TNS3: variants seen among roughly 807,000 people sequenced by gnomAD.
TNS3 encodes tensin-3.
A neutral mutation model predicts 140.9 loss-of-function variants in TNS3; 45 were observed. The observed-to-expected ratio is 0.32, with a 90% CI of 0.25 to 0.41. The LOEUF is 0.41. Ranked by LOEUF, TNS3 falls within the 10% of genes least tolerant of loss-of-function variation. The pLI is 1.00. For synonymous variants in TNS3, 815 were observed against 788.4 expected (o/e 1.03, Z -0.56); for missense variants, 1,716 against 1,906.7 (o/e 0.90, Z 1.86).
chr7:47,400,246 C>A, intron 15 of TNS3, 147 bp downstream of exon 15: 1 of 717,182 alleles, frequency 1.4e-6, no homozygotes, highest in Non-Finnish European at 2.3e-6. Flanking sequence ...TTCCACTATC[C>A]AATATCCTAC....
intron 1 of TNS3, among the ~76,000 whole-genome samples, chr7:47,538,158 G>A (rs1238070668): frequency 6.6e-6 from 1 of 152,172 alleles, no homozygotes; most frequent in Non-Finnish European, 1.5e-5. Flanking sequence ...ACTTAGAAAC[G>A]CCAGGAGGAG....
chr7:47,555,024 C>T (rs1283262037), intron 1 of TNS3, among the ~76,000 whole-genome samples: 1 of 149,000 alleles, frequency 6.7e-6, no homozygotes, highest in Non-Finnish European at 1.5e-5. Flanking sequence ...GAGACTCTGT[C>T]TCAAAAAAAA....
At chr7:47,296,948 C>T in intron 24 of TNS3, 134 bp downstream of exon 24, 5 of 1,156,352 alleles carry the variant, frequency 4.3e-6, no homozygotes, top group East Asian at 5.3e-5. Context: ...TAAAATATAC[C>T]TGAAAAAATA....
chr7:47,278,373 A>T, intron 30 of TNS3, 153 bp from the exon 31 acceptor site: 1 of 800,510 alleles, frequency 1.2e-6, no homozygotes, highest in Non-Finnish European at 1.9e-6. Context: ...CCACCTGTTC[A>T]TGCACTTTAC....
chr7:47,437,745 TACACACACACACAC>T (rs67341898), intron 6 of TNS3, among the ~76,000 whole-genome samples: 87 of 135,796 alleles, frequency 6.4e-4, no homozygotes, highest in South Asian at 4.2e-3. Context: ...ACATATAGGA[TACACACACACACAC>T]ACACACACAC....
intron 3 of TNS3, among the ~76,000 whole-genome samples, chr7:47,484,025 A>G (rs1797522866): frequency 6.6e-6 from 1 of 152,228 alleles, no homozygotes; most frequent in South Asian, 2.1e-4. Context: ...GTAGGGGGCG[A>G]GCAGCCCCCA....
chr7:47,362,960 T>A (rs1790440120), intron 17 of TNS3, among the ~76,000 whole-genome samples: 7 of 402 alleles, frequency 0.017, no homozygotes, highest in Non-Finnish European at 0.028. Context: ...ATCACCACCA[T>A]CATCAGAGTC....
chr7:47,389,339 G>C (rs111266262), intron 16 of TNS3, among the ~76,000 whole-genome samples: 3,020 of 152,306 alleles, frequency 0.02, 40 homozygotes, highest in Non-Finnish European at 0.028. Context: ...GGAGGCCCAA[G>C]GTTTGTGTGC....
intron 4 of TNS3, among the ~76,000 whole-genome samples, chr7:47,473,564 C>T (rs1797045745): frequency 6.6e-6 from 1 of 152,242 alleles, no homozygotes; most frequent in Non-Finnish European, 1.5e-5. Context: ...CTGAAGTTTA[C>T]TGAGGGGTGG....
At chr7:47,479,662 G>A (rs368597740) in intron 4 of TNS3, among the ~76,000 whole-genome samples, 11 of 152,298 alleles carry the variant, frequency 7.2e-5, no homozygotes, top group African/African-American at 2.6e-4. Context: ...GTTTCTGGGT[G>A]AGATTTTATT....
intron 15 of TNS3, among the ~76,000 whole-genome samples, chr7:47,397,512 G>GA (rs1189774707): frequency 6.6e-6 from 1 of 152,056 alleles, no homozygotes; most frequent in Non-Finnish European, 1.5e-5. Flanking sequence ...ATTTTTTAGG[G>GA]AAAAAAATTG....
chr7:47,480,936 T>C (rs1030410533), intron 4 of TNS3, among the ~76,000 whole-genome samples, 167 bp downstream of exon 4: 25 of 152,336 alleles, frequency 1.6e-4, no homozygotes, highest in Admixed American at 1.6e-3. Context: ...CAGTGCAGCA[T>C]GGTCAAAGGA....
intron 3 of TNS3, among the ~76,000 whole-genome samples, chr7:47,501,632 C>T (rs1316801842): frequency 6.6e-6 from 1 of 152,132 alleles, no homozygotes; most frequent in Admixed American, 6.5e-5. Flanking sequence ...AGCAGCAGCT[C>T]CCACAGCCTC....
chr7:47,345,010 A>G lies in TNS3; in HGVS notation c.2480T>C (p.Leu827Pro). The G allele has an allele frequency of 6.2e-7, 1 of 1,614,154 alleles. No individual in the cohort carries two copies. The highest frequency in any genetic ancestry group is 1.1e-5 in the South Asian group (1 of 91,082). ...TAAAATTCTGCCATCGATAATATCG[A>G]GGTCCTGGGGATAGCCAGGGGTCAT... ...ETMTPGYPQD[L>P]DIIDGRILSS... Residue 827 changes from leucine to proline, a missense_variant, in exon 19 of 31, where the codon CTC becomes CCC. Physicochemically the swap from Leu to Pro is moderately conservative, Grantham distance 98. This residue lies in a region of TNS3 where 1,163 missense variants were observed against 1,182.1 expected (regional missense o/e 0.98). Coordinates refer to ENST00000311160, the MANE Select transcript of TNS3 (RefSeq NM_022748.12).
chr7:47,558,312 G>C (rs1181742627), intron 1 of TNS3, among the ~76,000 whole-genome samples: 1 of 152,188 alleles, frequency 6.6e-6, no homozygotes, highest in South Asian at 2.1e-4. Flanking sequence ...GGCCTGCATT[G>C]TTTTCTTCTT....
At chr7:47,381,968 A>C (rs1391908575) in intron 16 of TNS3, among the ~76,000 whole-genome samples, 1 of 152,214 alleles carries the variant, frequency 6.6e-6, no homozygotes, top group Non-Finnish European at 1.5e-5. Context: ...AGTAGTGAAT[A>C]CAACGCAATG....
At chr7:47,365,774 A>AT (rs1234117544) in intron 17 of TNS3, among the ~76,000 whole-genome samples, 7 of 152,066 alleles carry the variant, frequency 4.6e-5, no homozygotes, top group South Asian at 2.1e-4. Context: ...AAATAAATAA[A>AT]AAAATAAAGT....
chr7:47,426,272 ACT>A lies in TNS3; in HGVS notation c.389+2038_389+2039del, dbSNP rs543625928. Among the ~76,000 whole-genome samples, 69 of 152,280 alleles carry A rather than the reference ACT, an allele frequency of 4.5e-4. No individual in the cohort carries two copies. In the East Asian group the frequency reaches 0.013, roughly 28 times the overall value. On this transcript the variant is annotated intron_variant, in intron 9 of 30. Coordinates refer to ENST00000311160, the MANE Select transcript of TNS3 (RefSeq NM_022748.12). ...ACTCCAGCCCCGGCAACAGAGTGAG[ACT>A]CTGTCTTAAACACACACGTACACAA... is the stretch of plus-strand genomic sequence containing the variant.
intron 4 of TNS3, among the ~76,000 whole-genome samples, chr7:47,450,879 G>A (rs530240924): frequency 3.3e-5 from 5 of 152,352 alleles, no homozygotes; most frequent in Admixed American, 2.0e-4. Flanking sequence ...GCTCACACCT[G>A]TAATCCCAGC....
Sources: gnomAD v4.1 joint callset for allele counts (sites outside exome capture counted in the v4.1 genomes callset) on GRCh38, gnomAD v4.1.1 for gene constraint, gnomAD v4.1.1 regional missense constraint, MANE v1.5 for transcripts, NCBI Gene and HGNC (gene_info 2026-07-23, HGNC 2026-07-21) for gene names.